The following RGS6 variants were observed in gnomAD, a reference collection of about 807,000 sequenced individuals.
RGS6 encodes regulator of G-protein signaling 6.
A neutral mutation model predicts 78.5 loss-of-function variants in RGS6; 30 were observed. That is an observed-to-expected ratio of 0.38 (90% CI 0.29 to 0.52). The LOEUF (loss-of-function observed/expected upper bound fraction) is 0.52. Among genes scored for constraint, RGS6 ranks in the 20% least tolerant of loss-of-function variants. The pLI, the probability that RGS6 is intolerant of heterozygous loss-of-function variation, is 0.85. For missense variants in RGS6, 495 were observed against 609.7 expected (o/e 0.81, Z 1.98); for synonymous variants, 206 against 206.0 (o/e 1.00, Z 0.00).
intron 2 of RGS6, among the ~76,000 whole-genome samples, chr14:72,148,129 TAAAAAAAAAAA>T (rs35367140): frequency 1.5e-5 from 1 of 67,566 alleles, no homozygotes; most frequent in Non-Finnish European, 2.7e-5. Flanking sequence ...AGACTCCATC[TAAAAAAAAAAA>T]AAAAAAAAAA....
chr14:72,594,669 G>A, the RGS6 span: 1 of 152,038 alleles, frequency 6.6e-6, no homozygotes, highest in Non-Finnish European at 1.5e-5. Context: ...CCACTTCCTC[G>A]CTCTCCTCAA....
intron 2 of RGS6, among the ~76,000 whole-genome samples, chr14:72,246,923 AT>A (rs1025154373): frequency 5.6e-5 from 8 of 143,540 alleles, no homozygotes; most frequent in African/African-American, 2.0e-4. Flanking sequence ...AAAAAAAAAA[AT>A]TATTGAAGAC....
the RGS6 span, among the ~76,000 whole-genome samples, chr14:71,877,224 C>A: frequency 2.0e-5 from 3 of 152,190 alleles, no homozygotes; most frequent in Admixed American, 1.3e-4. Flanking sequence ...GTTGGCCTGC[C>A]TTGCTAGGTT....
chr14:72,243,377 T>A (rs2053418594), intron 2 of RGS6, among the ~76,000 whole-genome samples: 2 of 152,190 alleles, frequency 1.3e-5, no homozygotes, highest in Admixed American at 6.5e-5. Context: ...ACCCTTGATT[T>A]GAACATCCCT....
At chr14:72,540,577 G>T in intron 17 of RGS6, 1 of 1,531,410 alleles carries the variant, frequency 6.5e-7, no homozygotes, top group Non-Finnish European at 8.8e-7. Context: ...CTGTGTAGGC[G>T]GCTTTTGCTG....
intron 2 of RGS6, among the ~76,000 whole-genome samples, chr14:72,245,818 G>C (rs2054085553): frequency 6.6e-6 from 1 of 152,204 alleles, no homozygotes; most frequent in African/African-American, 2.4e-5. Flanking sequence ...GAGTCATGGA[G>C]AAATGTGTTA....
At chr14:72,399,567 G>C (rs536760529) in intron 3 of RGS6, among the ~76,000 whole-genome samples, 1 of 152,296 alleles carries the variant, frequency 6.6e-6, no homozygotes, top group African/African-American at 2.4e-5. Flanking sequence ...ATTTGATCCT[G>C]TCCTTATGAT....
rs529724674 is a variant in RGS6 at position 72,480,560 on chromosome 14, G to A, written c.854+2231G>A. On this transcript the variant is annotated intron_variant, in intron 12 of 17. Transcript: ENST00000553525. ...GCAATAACTGGCAACTTTTCAATGC[G>A]ACACGAGGGTTTTTCATTAGAGCCA... is the stretch of plus-strand genomic sequence containing the variant. Among the ~76,000 whole-genome samples, 128 of 152,244 alleles carry A rather than the reference G, an allele frequency of 8.4e-4. 1 individual carries two copies. Among genetic ancestry groups the A allele is most frequent in the African/African-American group, 2.9e-3 (121 of 41,538 alleles).
chr14:72,504,391 C>T (rs2096768933), intron 13 of RGS6, among the ~76,000 whole-genome samples: 1 of 152,170 alleles, frequency 6.6e-6, no homozygotes, highest in Non-Finnish European at 1.5e-5. Flanking sequence ...TAGAAATTTC[C>T]TCAGCTAAAT....
intron 3 of RGS6, among the ~76,000 whole-genome samples, chr14:72,417,655 A>C (rs77084464): frequency 6.6e-6 from 1 of 152,220 alleles, no homozygotes; most frequent in Admixed American, 6.5e-5. Flanking sequence ...CCTTGGGCTC[A>C]TTATTTAGCA....
intron 2 of RGS6, among the ~76,000 whole-genome samples, chr14:72,108,517 G>T (rs1202789856): frequency 6.6e-6 from 1 of 151,712 alleles, no homozygotes; most frequent in Non-Finnish European, 1.5e-5. Context: ...TACTGTTTCT[G>T]CCTTCTTTAG....
chr14:71,973,202 A>G (rs1159597586), intron 2 of RGS6, among the ~76,000 whole-genome samples: 2 of 152,186 alleles, frequency 1.3e-5, no homozygotes, highest in African/African-American at 4.8e-5. Context: ...TGTAATCTAA[A>G]ATAGAGAAAC....
At chr14:72,259,710 A>G (rs2057757019) in intron 2 of RGS6, among the ~76,000 whole-genome samples, 1 of 151,804 alleles carries the variant, frequency 6.6e-6, no homozygotes, top group Non-Finnish European at 1.5e-5. Context: ...GATCGACACC[A>G]TCCTGGCTAA....
At chr14:72,096,323 A>C (rs753690386) in intron 2 of RGS6, among the ~76,000 whole-genome samples, 21 of 152,166 alleles carry the variant, frequency 1.4e-4, no homozygotes, top group Non-Finnish European at 2.2e-4. Flanking sequence ...TGTATGAAAT[A>C]GAGCTTATTA....
chr14:72,162,990 C>T (rs74384697), intron 2 of RGS6, among the ~76,000 whole-genome samples: 1 of 152,120 alleles, frequency 6.6e-6, no homozygotes, highest in Non-Finnish European at 1.5e-5. Flanking sequence ...TAAGTGGGAG[C>T]TAAGCTATGA....
intron 1 of RGS6, among the ~76,000 whole-genome samples, chr14:71,955,189 G>A (rs1054810291): frequency 2.0e-5 from 3 of 152,146 alleles, no homozygotes; most frequent in East Asian, 1.9e-4. Context: ...CCTCAGGGAC[G>A]CTGTGTCTTG....
intron 2 of RGS6, among the ~76,000 whole-genome samples, chr14:72,202,085 T>G (rs1349731748): frequency 6.6e-6 from 1 of 152,202 alleles, no homozygotes; most frequent in African/African-American, 2.4e-5. Context: ...AATATCCTCC[T>G]CTTCATGATG....
At chr14:72,461,736 T>C (rs140689064) in intron 6 of RGS6, among the ~76,000 whole-genome samples, 29 of 152,128 alleles carry the variant, frequency 1.9e-4, no homozygotes, top group African/African-American at 5.1e-4. Context: ...CCAAAGCAGT[T>C]TAGTTAGAAA....
At chr14:72,131,867 G>A (rs1372154126) in intron 2 of RGS6, among the ~76,000 whole-genome samples, 1 of 152,162 alleles carries the variant, frequency 6.6e-6, no homozygotes, top group Non-Finnish European at 1.5e-5. Context: ...ATGCTTACTA[G>A]AAGCCCACCA....
Sources: allele counts gnomAD v4.1 joint callset (sites outside exome capture counted in the v4.1 genomes callset), GRCh38; gene constraint gnomAD v4.1.1; transcripts MANE v1.5; gene names NCBI Gene and HGNC (gene_info 2026-07-23, HGNC 2026-07-21).